Variants in FAM120C observed in about 807,000 individuals in gnomAD.
FAM120C encodes constitutive coactivator of PPAR-gamma-like protein 2.
FAM120C carries 14 observed loss-of-function variants against 71.2 expected under a neutral mutation model. The ratio of observed to expected loss-of-function variants is 0.20; its 90% CI spans 0.13 to 0.31. The LOEUF (loss-of-function observed/expected upper bound fraction) is 0.31, where lower values mean the gene tolerates loss of function less well. Ranked by LOEUF, FAM120C falls within the 10% of genes least tolerant of loss-of-function variation. FAM120C has a pLI of 1.00. For synonymous variants in FAM120C, 354 were observed against 353.2 expected, an observed-to-expected ratio of 1.00 and a Z score of -0.03; for missense variants, 500 against 879.0, an observed-to-expected ratio of 0.57 and a Z score of 5.45.
intron 1 of FAM120C, among the ~76,000 whole-genome samples, chrX:54,165,505 G>A (rs1401388367): frequency 3.6e-5 from 4 of 111,462 alleles, no homozygotes; most frequent in African/African-American, 6.5e-5. Context: ...GGCCAGGCAC[G>A]GTGGCTCATG....
intron 10 of FAM120C, among the ~76,000 whole-genome samples, chrX:54,098,361 G>T (rs1353733584): frequency 9.0e-6 from 1 of 111,372 alleles, no homozygotes; most frequent in African/African-American, 3.3e-5. Flanking sequence ...AATTCTACAT[G>T]AACATTTGTG....
At chrX:54,089,101 G>C (rs1353482448) in intron 11 of FAM120C, among the ~76,000 whole-genome samples, 1 of 111,108 alleles carries the variant, frequency 9.0e-6, no homozygotes, top group Non-Finnish European at 1.9e-5. Context: ...TTCCTTTATA[G>C]CAACTGTAAA....
rs372424246 is a variant in FAM120C, at chrX:54,109,761, G to A, written c.2312+6784C>T. 4.8e-3 allele frequency among the ~76,000 whole-genome samples: 513 copies of A among 107,460 alleles called. 2 individuals carry two copies. Among genetic ancestry groups the A allele is most frequent in the African/African-American group, 0.016 (485 of 29,616 alleles). The allele number at this position is 107,460 out of a possible 115,157, so 93.3% of individuals were successfully genotyped here. On this transcript the variant is annotated intron_variant, in intron 10 of 15. Transcript: ENST00000375180. ...GAACCCAGGAGGTGGAGTTTGCAGTGAGCCGAGATCACGCCACTGCACTCC... is the reference window on the plus strand; with the variant it reads ...GAACCCAGGAGGTGGAGTTTGCAGTAAGCCGAGATCACGCCACTGCACTCC...
At chrX:54,136,217 C>T (rs1449045077) in intron 5 of FAM120C, among the ~76,000 whole-genome samples, 2 of 111,312 alleles carry the variant, frequency 1.8e-5, no homozygotes, top group African/African-American at 6.5e-5. Context: ...CCAGGCTGGT[C>T]GTGAACTCCT....
intron 10 of FAM120C, among the ~76,000 whole-genome samples, chrX:54,098,001 C>A (rs1307846854): frequency 2.7e-5 from 3 of 109,259 alleles, no homozygotes; most frequent in African/African-American, 1.0e-4. Flanking sequence ...GCTGGGATTA[C>A]AGGCGTGAGC....
Position 54,071,811 on chromosome X carries a change from T to C in FAM120C, c.*1222A>G, listed in dbSNP as rs2066709967. 1 of 110,214 alleles carries C rather than the reference T, an allele frequency of 9.1e-6. No individual in the cohort carries two copies. Among genetic ancestry groups the C allele is most frequent in the Admixed American group, 9.8e-5 (1 of 10,243 alleles). 9.1% of individuals were successfully genotyped at this position (110,214 alleles called of 1,213,427 possible). A position where few individuals can be genotyped will look rare whatever the true frequency, so the allele number is the denominator to read the frequency against. On this transcript the variant is annotated 3_prime_UTR_variant, in exon 16 of 16. Coordinates refer to ENST00000375180, the MANE Select transcript of FAM120C (RefSeq NM_017848.6). ...TTAGAGAAGCCCATCCAACTTCTCATAGTTGTGAATGCACTGTGACTTAGT... is the reference window on the plus strand; with the variant it reads ...TTAGAGAAGCCCATCCAACTTCTCACAGTTGTGAATGCACTGTGACTTAGT...
chrX:54,132,611 C>A, intron 9 of FAM120C, 81 bp downstream of exon 9: 2 of 826,425 alleles, frequency 2.4e-6, no homozygotes, highest in Non-Finnish European at 1.7e-6. Context: ...ACTCCATAGC[C>A]AAAGGTACCC....
At chrX:54,128,598 TC>T (rs1453832141) in intron 9 of FAM120C, among the ~76,000 whole-genome samples, 2 of 111,097 alleles carry the variant, frequency 1.8e-5, no homozygotes, top group Admixed American at 1.9e-4. Context: ...TCTCTGGTTT[TC>T]CTAGGCAAAG....
chrX:54,087,228 G>A (rs1557122058), intron 12 of FAM120C, among the ~76,000 whole-genome samples: 1 of 108,303 alleles, frequency 9.2e-6, no homozygotes, highest in East Asian at 2.9e-4. Flanking sequence ...GAGGAGAATC[G>A]CGTGAACCTG....
intron 4 of FAM120C, among the ~76,000 whole-genome samples, chrX:54,144,193 C>G (rs1285916372): frequency 9.0e-6 from 1 of 111,308 alleles, no homozygotes; most frequent in Non-Finnish European, 1.9e-5. Flanking sequence ...TTATGACAAA[C>G]CCACAGCCAA....
chrX:54,132,669 G>T (rs1557129574), intron 9 of FAM120C, 23 bp downstream of exon 9: 2 of 1,172,846 alleles, frequency 1.7e-6, no homozygotes, highest in Non-Finnish European at 2.3e-6. Context: ...TGAGAGAATT[G>T]TCATAGCTAG....
At chrX:54,144,338 T>G (rs1190637035) in intron 4 of FAM120C, among the ~76,000 whole-genome samples, 3 of 111,148 alleles carry the variant, frequency 2.7e-5, no homozygotes, top group African/African-American at 9.8e-5. Context: ...GAGAAAGAAA[T>G]AAAGGGTATT....
rs185440186 is a variant in FAM120C, at chrX:54,076,491, C to T, written c.3037-3204G>A. Among the ~76,000 whole-genome samples, 65 of 110,833 alleles carry T rather than the reference C, an allele frequency of 5.9e-4. No individual in the cohort carries two copies. In the East Asian group the frequency reaches 0.018, roughly 30 times the overall value. On this transcript the variant is annotated intron_variant, in intron 15 of 15. Coordinates refer to ENST00000375180, the MANE Select transcript of FAM120C (RefSeq NM_017848.6). The stretch of plus-strand genomic sequence containing the variant: ...TCTTCTTTTTCTGTCCCGACTGAAA[C>T]AGAAAAAGAAGAGTCAAAAACGAAG...
chrX:54,117,412 A>AATAACATAACATAACATAAG (rs2066976743), intron 9 of FAM120C, among the ~76,000 whole-genome samples: 1 of 83,806 alleles, frequency 1.2e-5, no homozygotes, highest in African/African-American at 3.9e-5. Context: ...AATAAAATAA[A>AATAACATAACATAACATAAG]ATAAGGCCAG....
At chrX:54,156,293 C>T (rs973835485) in intron 3 of FAM120C, among the ~76,000 whole-genome samples, 4 of 99,732 alleles carry the variant, frequency 4.0e-5, no homozygotes, top group South Asian at 1.1e-3. Flanking sequence ...GAAGTGTATG[C>T]GGGTATCAGT....
chrX:54,098,753 A>G (rs1175022748), intron 10 of FAM120C, among the ~76,000 whole-genome samples: 3 of 110,536 alleles, frequency 2.7e-5, no homozygotes, highest in African/African-American at 9.9e-5. Context: ...CCTCCTGAGT[A>G]GCTGGGATTA....
chrX:54,183,214 A>G lies in FAM120C; in HGVS notation c.-16T>C, dbSNP rs1557137938. On this transcript the variant is annotated 5_prime_UTR_variant, in exon 1 of 16. Coordinates refer to ENST00000375180, the MANE Select transcript of FAM120C (RefSeq NM_017848.6). ...GGACACCCATGCTTCGTCGGTGGGC[A>G]GACGCGATAGCGGCTGCGCAAGCAG... is the stretch of plus-strand genomic sequence containing the variant. 9.4e-7 allele frequency: 1 copy of G among 1,060,999 alleles called. No individual in the cohort carries two copies. The highest frequency in any genetic ancestry group is 3.8e-5 in the Admixed American group (1 of 26,450). The allele number at this position is 1,060,999 out of a possible 1,213,427, so 87.4% of individuals were successfully genotyped here.
chrX:54,106,101 A>T (rs2066905679), intron 10 of FAM120C, among the ~76,000 whole-genome samples: 2 of 111,910 alleles, frequency 1.8e-5, no homozygotes, highest in African/African-American at 3.2e-5. Flanking sequence ...CTCATAGCCA[A>T]GACAATCCTA....
chrX:54,144,287 T>A (rs2067142796), intron 4 of FAM120C, among the ~76,000 whole-genome samples: 1 of 111,059 alleles, frequency 9.0e-6, no homozygotes, highest in African/African-American at 3.3e-5. Flanking sequence ...CCACTCCTAT[T>A]CAACATAGTG....
Sources: gnomAD v4.1 joint callset for allele counts (sites outside exome capture counted in the v4.1 genomes callset) on GRCh38, gnomAD v4.1.1 for gene constraint, MANE v1.5 for transcripts, NCBI Gene and HGNC (gene_info 2026-07-23, HGNC 2026-07-21) for gene names.